Variants in PSPC1 observed in about 807,000 individuals in gnomAD.
PSPC1 encodes paraspeckle component 1.
Under a neutral mutation model 51.6 loss-of-function variants are expected in PSPC1, and 14 were observed. That is an observed-to-expected ratio of 0.27 (90% CI 0.18 to 0.42). The LOEUF (loss-of-function observed/expected upper bound fraction) is 0.42, where lower values mean the gene tolerates loss of function less well. Ranked by LOEUF, PSPC1 falls within the 10% of genes least tolerant of loss-of-function variation. The pLI, the probability that PSPC1 is intolerant of heterozygous loss-of-function variation, is 1.00. For missense variants in PSPC1, 406 were observed against 701.1 expected (o/e 0.58, Z 4.75); for synonymous variants, 193 against 231.9 (o/e 0.83, Z 1.53).
chr13:19,762,300 G>A (rs1236261936), intron 2 of PSPC1, among the ~76,000 whole-genome samples: 2 of 152,212 alleles, frequency 1.3e-5, no homozygotes, highest in East Asian at 1.9e-4. Context: ...GCTCACGCCT[G>A]TAACCCCAGC....
chr13:19,771,447 A>AT (rs904300427), intron 2 of PSPC1, among the ~76,000 whole-genome samples: 5 of 151,244 alleles, frequency 3.3e-5, no homozygotes, highest in Admixed American at 6.6e-5. Flanking sequence ...CCAAGGTACT[A>AT]TTTTTTTTGA....
At chr13:19,756,463 C>T (rs1467224376) in intron 3 of PSPC1, among the ~76,000 whole-genome samples, 2 of 151,980 alleles carry the variant, frequency 1.3e-5, no homozygotes, top group African/African-American at 4.8e-5. Context: ...ACTCAGGGAG[C>T]GAGAACTCAG....
chr13:19,686,045 C>G (rs140564602), intron 6 of PSPC1, among the ~76,000 whole-genome samples: 2 of 152,350 alleles, frequency 1.3e-5, no homozygotes, highest in East Asian at 3.9e-4. Flanking sequence ...CATCACCTCT[C>G]TCAACTCTCC....
At chr13:19,699,432 TG>T, downstream of PSPC1, 1 of 151,994 alleles carries the variant, frequency 6.6e-6, no homozygotes, top group Non-Finnish European at 1.5e-5. Flanking sequence ...ACATGTAAAG[TG>T]AACAGAGAAA....
intron 7 of PSPC1, among the ~76,000 whole-genome samples, chr13:19,706,475 C>A (rs527644302): frequency 1.3e-5 from 2 of 151,544 alleles, no homozygotes; most frequent in South Asian, 2.1e-4. Context: ...TAAAAGCAAC[C>A]GCAACCAAAT....
intron 1 of PSPC1, 88 bp from the exon 2 acceptor site, chr13:19,772,631 C>A (rs1414036449): frequency 2.3e-6 from 3 of 1,297,434 alleles, no homozygotes; most frequent in Non-Finnish European, 3.2e-6. Context: ...AACTAGGTAT[C>A]TTTAGCAAAT....
At chr13:19,738,938 A>C (rs948712784) in intron 5 of PSPC1, among the ~76,000 whole-genome samples, 1 of 152,120 alleles carries the variant, frequency 6.6e-6, no homozygotes, top group Non-Finnish European at 1.5e-5. Flanking sequence ...GACAAGTTTA[A>C]AAAGTCTGTT....
intron 6 of PSPC1, among the ~76,000 whole-genome samples, chr13:19,694,122 CAAAAAAAAA>C (rs71092389): frequency 2.1e-5 from 1 of 47,466 alleles, no homozygotes; most frequent in Non-Finnish European, 3.6e-5. Flanking sequence ...GACTCCATCT[CAAAAAAAAA>C]AAAAAAAAAA....
chr13:19,779,339 G>GC (rs1295017617), intron 1 of PSPC1, among the ~76,000 whole-genome samples: 5 of 110,662 alleles, frequency 4.5e-5, no homozygotes, highest in Admixed American at 8.3e-5. Context: ...TGGGGGGTCA[G>GC]CCCCCCCGCC....
At chr13:19,676,521 C>T (rs1876655190) in intron 7 of PSPC1, among the ~76,000 whole-genome samples, 1 of 152,044 alleles carries the variant, frequency 6.6e-6, no homozygotes, top group Admixed American at 6.5e-5. Context: ...TACATCAGTG[C>T]ATCTCAAACC....
At chr13:19,723,878 AT>A (rs1316845056) in intron 6 of PSPC1, among the ~76,000 whole-genome samples, 1 of 152,246 alleles carries the variant, frequency 6.6e-6, no homozygotes, top group Non-Finnish European at 1.5e-5. Context: ...AACATTACAT[AT>A]GAGACCATTG....
intron 1 of PSPC1, among the ~76,000 whole-genome samples, chr13:19,776,238 A>G (rs1463033977): frequency 1.3e-5 from 2 of 152,056 alleles, no homozygotes; most frequent in African/African-American, 4.8e-5. Flanking sequence ...AGGAGGAGGG[A>G]TCATGTAAGC....
chr13:19,753,767 AG>A (rs1467857234), intron 3 of PSPC1, among the ~76,000 whole-genome samples: 1 of 152,146 alleles, frequency 6.6e-6, no homozygotes, highest in Non-Finnish European at 1.5e-5. Flanking sequence ...AGAGAGGGAA[AG>A]ATATTCAGAA....
intron 8 of PSPC1, among the ~76,000 whole-genome samples, chr13:19,703,801 A>C (rs1880271209): frequency 6.6e-6 from 1 of 152,232 alleles, no homozygotes; most frequent in African/African-American, 2.4e-5. Flanking sequence ...ACATTCTAAA[A>C]AAAAATCTTC....
At chr13:19,777,778 T>G (rs994555678) in intron 1 of PSPC1, among the ~76,000 whole-genome samples, 3 of 151,910 alleles carry the variant, frequency 2.0e-5, no homozygotes, top group African/African-American at 7.3e-5. Flanking sequence ...AAACCCCATC[T>G]CTACTAAAAA....
At chr13:19,714,704 G>A (rs554887304) in intron 6 of PSPC1, among the ~76,000 whole-genome samples, 1 of 151,860 alleles carries the variant, frequency 6.6e-6, no homozygotes, top group East Asian at 1.9e-4. Flanking sequence ...CATGTTACTT[G>A]GGATGGTCTT....
chr13:19,686,357 C>T (rs1338408404), intron 6 of PSPC1, among the ~76,000 whole-genome samples: 1 of 152,198 alleles, frequency 6.6e-6, no homozygotes, highest in African/African-American at 2.4e-5. Flanking sequence ...GATAGACTTA[C>T]AACCATCCAC....
intron 1 of PSPC1, among the ~76,000 whole-genome samples, chr13:19,774,593 A>C (rs185804753): frequency 6.6e-6 from 1 of 151,962 alleles, no homozygotes; most frequent in Non-Finnish European, 1.5e-5. Context: ...TGAGGTCAGG[A>C]GTTCAAGACC....
At chr13:19,672,013 AGTCT>A, downstream of PSPC1, 1 of 815,328 alleles carries the variant, frequency 1.2e-6, no homozygotes, top group South Asian at 1.6e-5. Context: ...TGTCTGTTGT[AGTCT>A]GTAAGATGCG....
Sources: gnomAD v4.1 joint callset for allele counts (sites outside exome capture counted in the v4.1 genomes callset) on GRCh38, gnomAD v4.1.1 for gene constraint, MANE v1.5 for transcripts, NCBI Gene and HGNC (gene_info 2026-07-23, HGNC 2026-07-21) for gene names.